UBE3D: variants seen among roughly 807,000 people sequenced by gnomAD.
The protein encoded by UBE3D is E3 ubiquitin-protein ligase E3D.
A neutral mutation model predicts 49.6 loss-of-function variants in UBE3D; 48 were observed. That is an observed-to-expected ratio of 0.97 (90% CI 0.77 to 1.23). The LOEUF (loss-of-function observed/expected upper bound fraction) is 1.23. Among genes scored for constraint, UBE3D ranks in the 50% most tolerant of loss-of-function variants. The pLI is 0.00. For missense variants in UBE3D, 452 were observed against 468.4 expected (o/e 0.96, Z 0.32); for synonymous variants, 189 against 174.2 (o/e 1.08, Z -0.67).
At chr6:83,044,750 T>C in intron 3 of UBE3D, 91 bp from the exon 4 acceptor site, 1 of 1,100,966 alleles carries the variant, frequency 9.1e-7, no homozygotes, top group African/African-American at 1.6e-5. Context: ...AAGAAACTCA[T>C]TAACCACAAG....
chr6:83,024,317 T>C (rs1178925022), intron 5 of UBE3D, among the ~76,000 whole-genome samples: 1 of 152,188 alleles, frequency 6.6e-6, no homozygotes, highest in East Asian at 1.9e-4. Context: ...ATCACAGGCA[T>C]AGTGCACTTA....
intron 3 of UBE3D, among the ~76,000 whole-genome samples, chr6:83,050,027 T>C (rs1018377688): frequency 3.9e-5 from 6 of 152,048 alleles, no homozygotes; most frequent in African/African-American, 1.4e-4. Context: ...AAATGTAAAT[T>C]GGAGAATTTT....
At chr6:82,970,028 T>A (rs1777233063) in intron 8 of UBE3D, among the ~76,000 whole-genome samples, 1 of 149,834 alleles carries the variant, frequency 6.7e-6, no homozygotes, top group South Asian at 2.1e-4. Flanking sequence ...TGTAACGTAT[T>A]TCTATGGTGT....
intron 6 of UBE3D, 108 bp from the exon 7 acceptor site, chr6:83,022,669 T>C: frequency 1.6e-6 from 1 of 631,268 alleles, no homozygotes. Context: ...CATATCCACA[T>C]GCCAGACTTT....
At chr6:82,959,942 T>C (rs956620310) in intron 8 of UBE3D, among the ~76,000 whole-genome samples, 1 of 151,978 alleles carries the variant, frequency 6.6e-6, no homozygotes, top group Non-Finnish European at 1.5e-5. Flanking sequence ...TGACGGGAAA[T>C]AGTTAATCCT....
chr6:83,055,673 C>T (rs1262451569), intron 2 of UBE3D, among the ~76,000 whole-genome samples: 1 of 152,118 alleles, frequency 6.6e-6, no homozygotes. Context: ...TCTAATAGAT[C>T]CTACTGTAGC....
intron 2 of UBE3D, among the ~76,000 whole-genome samples, chr6:83,056,833 G>A (rs1396970389): frequency 6.6e-6 from 1 of 152,178 alleles, no homozygotes; most frequent in Non-Finnish European, 1.5e-5. Context: ...AGGCAGCAGC[G>A]AAGTGTCAGT....
chr6:82,913,734 C>G (rs1402638679), intron 9 of UBE3D, among the ~76,000 whole-genome samples: 1 of 152,020 alleles, frequency 6.6e-6, no homozygotes, highest in East Asian at 1.9e-4. Flanking sequence ...ATAGCTGGAT[C>G]AAAACAAAAT....
intron 5 of UBE3D, among the ~76,000 whole-genome samples, chr6:83,027,227 G>A (rs1037581073): frequency 2.9e-4 from 44 of 151,566 alleles, no homozygotes; most frequent in African/African-American, 9.9e-4. Flanking sequence ...CACAAGGTCA[G>A]GAGTTCAAGA....
At chr6:82,962,367 C>T (rs1776617533) in intron 8 of UBE3D, among the ~76,000 whole-genome samples, 2 of 152,158 alleles carry the variant, frequency 1.3e-5, no homozygotes, top group Non-Finnish European at 2.9e-5. Context: ...AATACATTGG[C>T]ACCGCCTTGT....
intron 8 of UBE3D, among the ~76,000 whole-genome samples, chr6:82,973,429 C>T (rs1431639304): frequency 1.3e-5 from 2 of 152,086 alleles, no homozygotes; most frequent in African/African-American, 4.8e-5. Context: ...CCGAAGAGCA[C>T]CTTGAGTTGA....
At chr6:83,010,987 G>A (rs1780297784) in intron 8 of UBE3D, among the ~76,000 whole-genome samples, 1 of 152,020 alleles carries the variant, frequency 6.6e-6, no homozygotes, top group African/African-American at 2.4e-5. Context: ...TCGACCCCTT[G>A]TCAACTTGAA....
intron 9 of UBE3D, among the ~76,000 whole-genome samples, chr6:82,940,750 T>C (rs1562103705): frequency 1.3e-5 from 2 of 152,184 alleles, no homozygotes; most frequent in Admixed American, 1.3e-4. Context: ...GGCCCATTGA[T>C]AGTCTCTTGG....
chr6:82,917,141 A>C (rs1772976690), intron 9 of UBE3D, among the ~76,000 whole-genome samples: 1 of 152,184 alleles, frequency 6.6e-6, no homozygotes, highest in Non-Finnish European at 1.5e-5. Context: ...CCAGCATTGA[A>C]ATAAAGATGT....
intron 9 of UBE3D, chr6:82,938,731 T>C (rs1332544577): frequency 1.3e-5 from 2 of 152,222 alleles, no homozygotes; most frequent in African/African-American, 4.8e-5. Flanking sequence ...TTCTTGAAAT[T>C]CCCTATCATA....
At chr6:82,888,937 T>C (rs1770935210), downstream of UBE3D, among the ~76,000 whole-genome samples, 1 of 152,226 alleles carries the variant, frequency 6.6e-6, no homozygotes, top group Non-Finnish European at 1.5e-5. Flanking sequence ...ATTCAGTAGA[T>C]GAAATCTCAA....
At chr6:83,033,912 C>A (rs1195993403) in intron 5 of UBE3D, among the ~76,000 whole-genome samples, 2 of 152,156 alleles carry the variant, frequency 1.3e-5, no homozygotes, top group Non-Finnish European at 1.5e-5. Context: ...AAGCTGTGGG[C>A]TTTTCCTGCC....
intron 1 of UBE3D, among the ~76,000 whole-genome samples, 163 bp downstream of exon 1, chr6:83,065,479 G>A (rs1001046874): frequency 6.6e-6 from 1 of 152,136 alleles, no homozygotes; most frequent in South Asian, 2.1e-4. Flanking sequence ...GGGAGTGGCG[G>A]AGCCGACTAC....
At chr6:82,901,428 G>A (rs1215159117) in intron 9 of UBE3D, among the ~76,000 whole-genome samples, 4 of 152,166 alleles carry the variant, frequency 2.6e-5, no homozygotes, top group Admixed American at 6.5e-5. Flanking sequence ...ATTTGAGAAC[G>A]TGTTAAAAAG....
Sources: gnomAD v4.1 joint callset for allele counts (sites outside exome capture counted in the v4.1 genomes callset) on GRCh38, gnomAD v4.1.1 for gene constraint, MANE v1.5 for transcripts, NCBI Gene and HGNC (gene_info 2026-07-23, HGNC 2026-07-21) for gene names.